The following ZPBP variants were observed in gnomAD, a reference collection of about 807,000 sequenced individuals.
ZPBP encodes zona pellucida-binding protein 1.
ZPBP carries 26 observed loss-of-function variants against 44.8 expected under a neutral mutation model. The ratio of observed to expected loss-of-function variants is 0.58; its 90% confidence interval spans 0.43 to 0.81. ZPBP has a LOEUF of 0.81. ZPBP is among the 30% of genes least tolerant of loss of function. The pLI, the probability that ZPBP is intolerant of heterozygous loss-of-function variation, is 0.00. For synonymous variants in ZPBP, 174 were observed against 153.2 expected (o/e 1.14, Z -1.00); for missense variants, 409 against 434.0 (o/e 0.94, Z 0.51).
chr7:49,932,284 C>T (rs978088649), intron 1 of ZPBP, among the ~76,000 whole-genome samples: 8 of 152,210 alleles, frequency 5.3e-5, no homozygotes, highest in African/African-American at 1.9e-4. Flanking sequence ...GGAAAAGCCA[C>T]AGAACACCAG....
chr7:50,044,931 C>T (rs1419315471), intron 4 of ZPBP, among the ~76,000 whole-genome samples: 1 of 151,984 alleles, frequency 6.6e-6, no homozygotes, highest in Non-Finnish European at 1.5e-5. Context: ...TCCAGCAGCA[C>T]ATCAAAAAGC....
In ZPBP at chr7:49,960,406, A is replaced by G. The variant is rs142145309; in HGVS notation, c.962-22784T>C. ...ACTCCAGCCTGGGCAGCAGAGCGAG[A>G]CTCTGTCTCAAAAAACAAACAAACA... On this transcript the variant is annotated intron_variant, in intron 7 of 7. Transcript: ENST00000046087. 4.2e-3 allele frequency among the ~76,000 whole-genome samples: 639 copies of G among 152,102 alleles called. 3 individuals carry two copies. Among genetic ancestry groups the G allele is most frequent in the African/African-American group, 0.015 (621 of 41,514 alleles).
chr7:50,029,863 T>C lies in ZPBP; in HGVS notation c.706+1229A>G, dbSNP rs1799518582. Among the ~76,000 whole-genome samples the C allele has an allele frequency of 2.0e-5, 3 of 152,032 alleles. No homozygotes were observed. In the South Asian group the frequency reaches 6.2e-4, roughly 31 times the overall value. ...GTTGTTGCTGTTGTTGTTGTTGTTG[T>C]TGTTGTTCTTTTAACAGATTCTCAC... On this transcript the variant is annotated intron_variant, in intron 5 of 7. Transcript: ENST00000046087.
intron 1 of ZPBP, chr7:49,911,930 CACACACACACACACACAT>C: frequency 1.2e-6 from 1 of 805,974 alleles, no homozygotes; most frequent in Non-Finnish European, 1.7e-6. Flanking sequence ...CACGCACACA[CACACACACACACACACAT>C]ATATATACTG....
At chr7:50,069,218 G>C (rs924497999) in intron 3 of ZPBP, among the ~76,000 whole-genome samples, 2 of 152,172 alleles carry the variant, frequency 1.3e-5, no homozygotes, top group Non-Finnish European at 2.9e-5. Flanking sequence ...TTGGAATGTA[G>C]GGAGGAGGGG....
chr7:50,012,196 G>T (rs1798618835), intron 6 of ZPBP, among the ~76,000 whole-genome samples: 1 of 152,046 alleles, frequency 6.6e-6, no homozygotes, highest in South Asian at 2.1e-4. Flanking sequence ...TGACAATTTT[G>T]ATCCAATATA....
At chr7:49,950,296 C>T (rs1795282878) in intron 7 of ZPBP, among the ~76,000 whole-genome samples, 1 of 151,814 alleles carries the variant, frequency 6.6e-6, no homozygotes, top group African/African-American at 2.4e-5. Flanking sequence ...TCAGTCTTGA[C>T]TGGATAGATT....
At chr7:49,889,932 C>A (rs1452253768) in intron 2 of ZPBP, among the ~76,000 whole-genome samples, 1 of 152,098 alleles carries the variant, frequency 6.6e-6, no homozygotes, top group East Asian at 1.9e-4. Flanking sequence ...ATATGTTTTG[C>A]AAAAGAGTCA....
chr7:49,927,322 T>C (rs1275206599), intron 1 of ZPBP, among the ~76,000 whole-genome samples: 7 of 152,190 alleles, frequency 4.6e-5, no homozygotes, highest in Non-Finnish European at 8.8e-5. Context: ...CATTCCTCCC[T>C]TGGGAAGTAT....
chr7:49,867,900 C>A (rs1456754055), intron 2 of ZPBP, among the ~76,000 whole-genome samples: 1 of 151,126 alleles, frequency 6.6e-6, no homozygotes, highest in Non-Finnish European at 1.5e-5. Context: ...ATGGTGCAAT[C>A]TCGGCTCACT....
chr7:49,908,599 C>A (rs947845933), intron 1 of ZPBP, among the ~76,000 whole-genome samples: 1 of 151,928 alleles, frequency 6.6e-6, no homozygotes, highest in Non-Finnish European at 1.5e-5. Context: ...TCTGTGCCCA[C>A]CAAGAAGGCC....
intron 3 of ZPBP, among the ~76,000 whole-genome samples, chr7:50,059,819 C>G (rs1007215847): frequency 2.0e-5 from 3 of 151,810 alleles, no homozygotes; most frequent in Non-Finnish European, 4.4e-5. Flanking sequence ...TAATAAAATG[C>G]CCCCTGACTG....
chr7:49,920,331 T>C (rs866685676), intron 1 of ZPBP: 1 of 152,306 alleles, frequency 6.6e-6, no homozygotes, highest in East Asian at 1.9e-4. Flanking sequence ...CTCAGAATGA[T>C]GTAAATTTTC....
At chr7:49,883,034 T>C (rs1338125401) in intron 2 of ZPBP, among the ~76,000 whole-genome samples, 1 of 152,060 alleles carries the variant, frequency 6.6e-6, no homozygotes, top group Non-Finnish European at 1.5e-5. Flanking sequence ...ACATTCCCTC[T>C]TCCTCCCTGA....
intron 2 of ZPBP, among the ~76,000 whole-genome samples, chr7:49,881,806 T>TTGTATATGAATAA (rs1353424717): frequency 2.0e-5 from 3 of 152,114 alleles, no homozygotes; most frequent in East Asian, 3.8e-4. Flanking sequence ...ATAATAATAA[T>TTGTATATGAATAA]TAAAATAATT....
At chr7:50,003,647 T>C (rs980919210) in intron 6 of ZPBP, among the ~76,000 whole-genome samples, 1 of 152,078 alleles carries the variant, frequency 6.6e-6, no homozygotes, top group Admixed American at 6.6e-5. Flanking sequence ...CAAAGGCAGG[T>C]GATGTGGTGT....
In ZPBP at chr7:50,089,695, G is replaced by A. The variant is rs1207271910; in HGVS notation, c.142C>T (p.Arg48Ter). The change falls in exon 2 of 8, where the codon CGA becomes TGA. Residue 48 changes from arginine to a stop codon, truncating the protein, a stop_gained. Transcript: ENST00000046087. LOFTEE classifies it high-confidence loss of function. ...GTCAAGCGAAAAGCTCTTGGTAATC[G>A]AACCAAGTGTCCAACTATCAAAAAA... The part of the protein sequence containing the change: ...RVPSSVGHLV[R>*]LPRAFRLTKD... The A allele has an allele frequency of 1.9e-6, 3 of 1,609,858 alleles. No individual in the cohort carries two copies. The highest frequency in any genetic ancestry group is 1.1e-5 in the South Asian group (1 of 90,584).
chr7:50,001,055 C>T (rs890874315), intron 6 of ZPBP, among the ~76,000 whole-genome samples: 20 of 152,112 alleles, frequency 1.3e-4, no homozygotes, highest in African/African-American at 4.3e-4. Context: ...AATAGACAGG[C>T]CCTTGGCAGA....
At chr7:50,084,243 A>C (rs1030285761) in intron 2 of ZPBP, among the ~76,000 whole-genome samples, 5 of 151,852 alleles carry the variant, frequency 3.3e-5, no homozygotes, top group African/African-American at 9.7e-5. Context: ...GAACTGGTGC[A>C]GCCTTTTTGA....
Sources: gnomAD v4.1 joint callset for allele counts (sites outside exome capture counted in the v4.1 genomes callset) on GRCh38, gnomAD v4.1.1 for gene constraint, MANE v1.5 for transcripts, NCBI Gene and HGNC (gene_info 2026-07-23, HGNC 2026-07-21) for gene names.